Variants in PTPRD observed in about 807,000 individuals in gnomAD.
PTPRD encodes the protein protein tyrosine phosphatase receptor type D, also known as receptor-type tyrosine-protein phosphatase delta.
Under a neutral mutation model 214.5 loss-of-function variants are expected in PTPRD, and 34 were observed. The observed-to-expected ratio is 0.16, with a 90% CI of 0.12 to 0.21. PTPRD has a LOEUF of 0.21. Ranked by LOEUF, PTPRD falls within the 10% of genes least tolerant of loss-of-function variation. The pLI, the probability that PTPRD is intolerant of heterozygous loss-of-function variation, is 1.00. For missense variants in PTPRD, 2,545 were observed against 2,398.7 expected (o/e 1.06, Z -1.27); for synonymous variants, 1,128 against 845.7 (o/e 1.33, Z -5.79).
intron 3 of PTPRD, among the ~76,000 whole-genome samples, chr9:10,275,715 G>A (rs1285027606): frequency 6.6e-6 from 1 of 152,172 alleles, no homozygotes; most frequent in Admixed American, 6.5e-5. Context: ...AATTGCAGGA[G>A]AGAATTCTTA....
At chr9:9,678,180 G>A (rs1342471645) in intron 7 of PTPRD, among the ~76,000 whole-genome samples, 1 of 151,992 alleles carries the variant, frequency 6.6e-6, no homozygotes, top group Non-Finnish European at 1.5e-5. Context: ...TCCCCATCAA[G>A]CTACCAATGA....
At chr9:8,498,011 T>C (rs1349220901) in intron 25 of PTPRD, among the ~76,000 whole-genome samples, 1 of 152,230 alleles carries the variant, frequency 6.6e-6, no homozygotes, top group Non-Finnish European at 1.5e-5. Flanking sequence ...TAACTTTCTT[T>C]TTATAGGCAC....
intron 11 of PTPRD, among the ~76,000 whole-genome samples, chr9:8,886,409 T>G (rs1273746677): frequency 6.6e-6 from 1 of 152,188 alleles, no homozygotes; most frequent in Non-Finnish European, 1.5e-5. Flanking sequence ...TTATAGCATA[T>G]GGTTATTATG....
In PTPRD at chr9:10,218,061, C is replaced by T. The variant is rs568757455; in HGVS notation, c.-545+122902G>A. Among the ~76,000 whole-genome samples the T allele has an allele frequency of 2.6e-5, 4 of 151,832 alleles. No individual in the cohort carries two copies. The East Asian group carries it at 7.8e-4, about 30-fold the overall frequency. On this transcript the variant is annotated intron_variant, in intron 3 of 45. Coordinates refer to ENST00000381196, the MANE Select transcript of PTPRD (RefSeq NM_002839.4). The stretch of plus-strand genomic sequence containing the variant: ...CATAAATTTAGTGATTGAGGTGACA[C>T]ATTTATTAAGTAGATTCTATTCTGG...
intron 5 of PTPRD, among the ~76,000 whole-genome samples, chr9:9,917,725 A>G (rs1454071580): frequency 1.3e-5 from 2 of 152,046 alleles, no homozygotes; most frequent in African/African-American, 2.4e-5. Flanking sequence ...CCAACAACAC[A>G]TCAAAAAGAT....
intron 5 of PTPRD, among the ~76,000 whole-genome samples, chr9:9,914,681 T>A (rs1472934395): frequency 6.6e-6 from 1 of 152,012 alleles, no homozygotes; most frequent in Non-Finnish European, 1.5e-5. Context: ...CAAGAGAGCA[T>A]GTGATTGTAT....
At chr9:10,532,832 T>C (rs1021640142) in intron 2 of PTPRD, among the ~76,000 whole-genome samples, 1 of 151,968 alleles carries the variant, frequency 6.6e-6, no homozygotes, top group African/African-American at 2.4e-5. Context: ...GTGGTTTTCA[T>C]GTATTTACCT....
At chr9:9,321,759 G>T (rs1966680028) in intron 9 of PTPRD, among the ~76,000 whole-genome samples, 4 of 152,072 alleles carry the variant, frequency 2.6e-5, no homozygotes, top group Non-Finnish European at 5.9e-5. Context: ...TTCTACATTT[G>T]TAGAATGGGA....
chr9:9,365,087 G>A (rs1208908424), intron 9 of PTPRD, among the ~76,000 whole-genome samples: 2 of 151,442 alleles, frequency 1.3e-5, no homozygotes, highest in African/African-American at 2.4e-5. Context: ...CATACCCTGT[G>A]CTGGAGAACA....
intron 2 of PTPRD, among the ~76,000 whole-genome samples, chr9:10,577,218 T>A (rs193214420): frequency 1.3e-5 from 2 of 152,192 alleles, no homozygotes; most frequent in South Asian, 4.1e-4. Flanking sequence ...GATATACCCA[T>A]GCCAAATGAA....
At chr9:8,778,522 A>C (rs10977296) in intron 11 of PTPRD, among the ~76,000 whole-genome samples, 16,449 of 152,192 alleles carry the variant, frequency 0.11, 969 homozygotes, top group Non-Finnish European at 0.13. Flanking sequence ...TCATGCTGCA[A>C]GATCACTGGT....
chr9:10,436,913 C>G (rs2098722112), intron 2 of PTPRD, among the ~76,000 whole-genome samples: 1 of 151,752 alleles, frequency 6.6e-6, no homozygotes, highest in Admixed American at 6.6e-5. Flanking sequence ...TAAATATGTA[C>G]TAAATGTAGA....
chr9:10,525,081 A>T (rs886807570), intron 2 of PTPRD, among the ~76,000 whole-genome samples: 4 of 152,046 alleles, frequency 2.6e-5, no homozygotes, highest in Admixed American at 2.6e-4. Context: ...AAATGATATT[A>T]TCAGGAAGAA....
intron 11 of PTPRD, among the ~76,000 whole-genome samples, chr9:8,879,486 A>T (rs1039267058): frequency 3.3e-5 from 5 of 152,138 alleles, no homozygotes. Flanking sequence ...GAAAACAAAG[A>T]CACAGTCAGA....
intron 44 of PTPRD, among the ~76,000 whole-genome samples, chr9:8,329,413 G>C (rs1375152116): frequency 6.6e-6 from 1 of 152,118 alleles, no homozygotes; most frequent in Non-Finnish European, 1.5e-5. Flanking sequence ...GCACCTGCCA[G>C]ATGCCAGCCA....
At chr9:9,796,313 A>G (rs1654600767) in intron 5 of PTPRD, among the ~76,000 whole-genome samples, 1 of 152,184 alleles carries the variant, frequency 6.6e-6, no homozygotes, top group African/African-American at 2.4e-5. Context: ...CATGGTGCCT[A>G]TCATGGATAG....
chr9:8,739,378 T>C (rs1047874900), intron 11 of PTPRD, among the ~76,000 whole-genome samples: 2 of 152,208 alleles, frequency 1.3e-5, no homozygotes, highest in African/African-American at 4.8e-5. Flanking sequence ...TATAACTTTC[T>C]TCAGGATAGA....
At chr9:9,652,787 T>C (rs2096398512) in intron 7 of PTPRD, among the ~76,000 whole-genome samples, 1 of 151,886 alleles carries the variant, frequency 6.6e-6, no homozygotes, top group Non-Finnish European at 1.5e-5. Context: ...GCTAATTTTT[T>C]GTATCTAGTA....
At chr9:8,553,909 C>T (rs1418464130) in intron 14 of PTPRD, among the ~76,000 whole-genome samples, 1 of 152,164 alleles carries the variant, frequency 6.6e-6, no homozygotes, top group African/African-American at 2.4e-5. Context: ...CACAGATTAG[C>T]CGGGCGCGGT....
Sources: gnomAD v4.1 joint callset for allele counts (sites outside exome capture counted in the v4.1 genomes callset) on GRCh38, gnomAD v4.1.1 for gene constraint, MANE v1.5 for transcripts, NCBI Gene and HGNC (gene_info 2026-07-23, HGNC 2026-07-21) for gene names.